The following CALR variants were observed in gnomAD, a reference collection of about 807,000 sequenced individuals.
CALR encodes the protein calreticulin.
CALR carries 15 observed loss-of-function variants against 51.1 expected under a neutral mutation model. The observed-to-expected ratio is 0.29, with a 90% CI of 0.20 to 0.45. The LOEUF is 0.45. Ranked by LOEUF, CALR falls within the 20% of genes least tolerant of loss-of-function variation. The probability of loss-of-function intolerance (pLI) is 1.00; values close to 1 mark genes in which losing one functional copy is unlikely to be tolerated. For synonymous variants in CALR, 239 were observed against 205.9 expected, an observed-to-expected ratio of 1.16 and a Z score of -1.38; for missense variants, 477 against 530.6, an observed-to-expected ratio of 0.90 and a Z score of 0.99.
rs572735736 is a variant in CALR, at chr19:12,938,742, C to T, written c.63C>T (p.Val21=). 13 of 1,611,626 alleles carry T rather than the reference C, an allele frequency of 8.1e-6. No homozygotes were observed. The highest frequency in any genetic ancestry group is 1.3e-5 in the African/African-American group (1 of 74,924). Residue 21 remains valine (V), a synonymous_variant, in exon 1 of 9, where the codon GTC becomes GTT. Coordinates refer to ENST00000316448, the MANE Select transcript of CALR (RefSeq NM_004343.4). The part of the protein sequence containing the change: ...LLGLAVAEPA[V]YFKEQFLDGD... The stretch of plus-strand genomic sequence containing the variant: ...GCCTGGCCGTCGCCGAGCCTGCCGT[C>T]TACTTCAAGGAGCAGTTTCTGGACG...
At chr19:12,943,443 G>T (rs1971575293) in intron 7 of CALR, 94 bp from the exon 8 acceptor site, 1 of 1,074,410 alleles carries the variant, frequency 9.3e-7, no homozygotes, top group African/African-American at 1.6e-5. Context: ...GCAGGCAGCA[G>T]AATATAGTGG....
chr19:12,943,753 A>C lies in CALR; in HGVS notation c.1094A>C (p.Gln365Pro). 6.2e-7 allele frequency: 1 copy of C among 1,611,754 alleles called. No individual in the cohort carries two copies. Among genetic ancestry groups the C allele is most frequent in the Non-Finnish European group, 8.5e-7 (1 of 1,178,790 alleles). ...ATGAAGGACAAACAGGACGAGGAGC[A>C]GAGGCTTAAGGAGGAGGAAGAAGAC... ...KQMKDKQDEE[Q>P]RLKEEEEDKK... Residue 365 changes from glutamine (Q) to proline (P), a missense_variant, in exon 9 of 9, where the codon CAG becomes CCG. Physicochemically the swap from Gln to Pro is moderately conservative, Grantham distance 76 (BLOSUM62 -1). Transcript: ENST00000316448.
intron 2 of CALR, 60 bp from the exon 3 acceptor site, chr19:12,939,368 T>TCGA: frequency 6.4e-7 from 1 of 1,558,834 alleles, no homozygotes; most frequent in Non-Finnish European, 8.8e-7. Context: ...CTCTATTCTC[T>TCGA]AAGTCGAGGG....
Position 12,938,698 on chromosome 19 carries a change from C to G in CALR, c.19C>G (p.Leu7Val). The G allele has an allele frequency of 6.2e-7, 1 of 1,611,216 alleles. No homozygotes were observed. Among genetic ancestry groups the G allele is most frequent in the Non-Finnish European group, 8.5e-7 (1 of 1,179,238 alleles). ...GCCCGCCATGCTGCTATCCGTGCCG[C>G]TGCTGCTCGGCCTCCTCGGCCTGGC... is the stretch of plus-strand genomic sequence containing the variant. MLLSVP[L>V]LLGLLGLAVA... Residue 7 changes from leucine (L) to valine (V), a missense_variant, in exon 1 of 9, where the codon CTG (leucine) becomes GTG (valine). By Grantham distance (32) the Leu-to-Val change is conservative. Transcript: ENST00000316448.
At position 12,942,416 on chromosome 19, in the gene CALR, C is replaced by T. The variant is rs554387937; in HGVS notation, c.961-1121C>T. On this transcript the variant is annotated intron_variant, in intron 7 of 8. Transcript: ENST00000316448. ...TTTGTCTGTTTTGGTCACTGAAATA[C>T]CTTCTGTGCCCAAGACAGTTCTGGC... Among the ~76,000 whole-genome samples, 3 of 151,122 alleles carry T rather than the reference C, an allele frequency of 2.0e-5. No individual in the cohort carries two copies. In the East Asian group the frequency reaches 5.9e-4, roughly 30 times the overall value.
Position 12,943,904 on chromosome 19 carries a change from C to G in CALR, c.1245C>G (p.Asp415Glu), listed in dbSNP as rs148604761. 11 of 1,601,342 alleles carry G rather than the reference C, an allele frequency of 6.9e-6. No individual in the cohort carries two copies. The highest frequency in any genetic ancestry group is 1.1e-5 in the South Asian group (1 of 88,750). ...AAGATGTCCCCGGCCAGGCCAAGGA[C>G]GAGCTGTAGAGAGGCCTGCCTCCAG... ...EEEDVPGQAKDEL is the reference protein window; with the variant it reads ...EEEDVPGQAKEEL The change falls in exon 9 of 9, where the codon GAC (aspartate) becomes GAG (glutamate). Residue 415 changes from aspartate to glutamate, a missense_variant. By Grantham distance (45) the Asp-to-Glu change is conservative. Coordinates refer to ENST00000316448, the MANE Select transcript of CALR (RefSeq NM_004343.4).
chr19:12,941,511 G>A (rs1296931370), intron 7 of CALR, among the ~76,000 whole-genome samples: 3 of 131,472 alleles, frequency 2.3e-5, no homozygotes, highest in Admixed American at 9.1e-5. Flanking sequence ...TTGCTCTGTC[G>A]CCCAGGCTGG....
chr19:12,943,548 C>T lies in CALR; in HGVS notation c.972C>T (p.Gly324=), dbSNP rs776593797. The change falls in exon 8 of 9, where the codon GGC becomes GGT. Residue 324 remains glycine, a synonymous_variant. Transcript: ENST00000316448. ...CATTCATCCTCCAGGTCAAGTCTGG[C>T]ACCATCTTTGACAACTTCCTCATCA... ...LGLDLWQVKS[G]TIFDNFLITN... The T allele has an allele frequency of 3.7e-6, 6 of 1,613,914 alleles. No individual in the cohort carries two copies. The East Asian group carries it at 1.1e-4, about 30-fold the overall frequency.
intron 3 of CALR, 69 bp from the exon 4 acceptor site, chr19:12,939,984 T>TA (rs1195887103): frequency 3.6e-6 from 4 of 1,114,840 alleles, no homozygotes; most frequent in Non-Finnish European, 5.5e-6. Flanking sequence ...CTTCCTTTTA[T>TA]AAAGAGGGGT....
rs1207787620 is a variant in CALR, at chr19:12,943,847, GGATGAGGAGGACAAGGAGGAA to G, written c.1200_1220del (p.Asp400_Glu406del). 1 of 1,580,546 alleles carries G rather than the reference GGATGAGGAGGACAAGGAGGAA, an allele frequency of 6.3e-7. No individual in the cohort carries two copies. Among genetic ancestry groups the G allele is most frequent in the Non-Finnish European group, 8.6e-7 (1 of 1,163,192 alleles). ...ATGAGGACAAAGATGAGGATGAGGA[GGATGAGGAGGACAAGGAGGAA>G]GATGAGGAGGAAGATGTCCCCGGCC... On this transcript the variant is annotated inframe_deletion, in exon 9 of 9. Transcript: ENST00000316448.
chr19:12,940,480 T>G (rs754141225), intron 5 of CALR, 28 bp downstream of exon 5: 2 of 1,613,512 alleles, frequency 1.2e-6, no homozygotes, highest in Non-Finnish European at 1.7e-6. Context: ...GGCTCTGCTC[T>G]CCACATTGGA....
chr19:12,940,155 TG>T lies in CALR; in HGVS notation c.492+13del. 6.2e-7 allele frequency: 1 copy of T among 1,613,124 alleles called. No homozygotes were observed. The highest frequency in any genetic ancestry group is 8.5e-7 in the Non-Finnish European group (1 of 1,179,080). Reference sequence around the variant, plus strand: ...AAGGACATCCGTTGCAAGGTGTGCCTGGGGGTGGTGGCAAATGGCTGTCATG... The same window carrying T: ...AAGGACATCCGTTGCAAGGTGTGCCTGGGGTGGTGGCAAATGGCTGTCATG... On this transcript the variant is annotated intron_variant, in intron 4 of 8. Transcript: ENST00000316448.
Position 12,944,214 on chromosome 19 carries a change from C to G in CALR, c.*301C>G. ...TGTCCCCTTCTCTCATCTCTTAGCT[C>G]CCCTCCAACCTGGGGGGCAGTGGTG... On this transcript the variant is annotated 3_prime_UTR_variant, in exon 9 of 9. Transcript: ENST00000316448. 4.0e-6 allele frequency: 2 copies of G among 499,246 alleles called. No individual in the cohort carries two copies. Among genetic ancestry groups the G allele is most frequent in the South Asian group, 2.1e-5 (1 of 46,698 alleles). 30.9% of individuals were successfully genotyped at this position (499,246 alleles called of 1,614,324 possible). A position where few individuals can be genotyped will look rare whatever the true frequency, so the allele number is the denominator to read the frequency against.
chr19:12,942,593 CTTTTTT>C (rs527758922), intron 7 of CALR, among the ~76,000 whole-genome samples: 11 of 133,394 alleles, frequency 8.2e-5, no homozygotes, highest in Non-Finnish European at 1.8e-4. Flanking sequence ...GTCTCTCCAT[CTTTTTT>C]TTTTTTTTTT....
Position 12,940,857 on chromosome 19 carries a change from C to T in CALR, c.930C>T (p.Asn310=), listed in dbSNP as rs1971536695. ...ATCCCAGTATCTATGCCTATGATAA[C>T]TTTGGCGTGCTGGGCCTGGACCTCT... ...SPDPSIYAYD[N]FGVLGLDLWQ... Residue 310 remains asparagine, a synonymous_variant, in exon 7 of 9, where the codon AAC becomes AAT. Coordinates refer to ENST00000316448, the MANE Select transcript of CALR (RefSeq NM_004343.4). 1 of 1,614,114 alleles carries T rather than the reference C, an allele frequency of 6.2e-7. No homozygotes were observed. The highest frequency in any genetic ancestry group is 8.5e-7 in the Non-Finnish European group (1 of 1,180,008).
rs552795097 is a variant in CALR at position 12,938,631 on chromosome 19, C to T, written c.-49C>T. The stretch of plus-strand genomic sequence containing the variant: ...TCCGTCCGTACTGCAGAGCCGCTGC[C>T]GGAGGGTCGTTTTAAAGGGCCCGCG... On this transcript the variant is annotated 5_prime_UTR_variant, in exon 1 of 9. Coordinates refer to ENST00000316448, the MANE Select transcript of CALR (RefSeq NM_004343.4). 36 of 1,431,026 alleles carry T rather than the reference C, an allele frequency of 2.5e-5. No homozygotes were observed. The highest frequency in any genetic ancestry group is 1.2e-4 in the South Asian group (10 of 83,492). 88.6% of individuals were successfully genotyped at this position (1,431,026 alleles called of 1,614,324 possible).
intron 7 of CALR, 32 bp downstream of exon 7, chr19:12,940,919 G>C (rs199996394): frequency 1.2e-6 from 2 of 1,612,010 alleles, no homozygotes; most frequent in Admixed American, 1.7e-5. Flanking sequence ...AGGATCCCTG[G>C]GGTACCTCAA....
In CALR at chr19:12,940,817, C is replaced by A. The variant is rs770320546; in HGVS notation, c.890C>A (p.Pro297His). The A allele has an allele frequency of 6.2e-7, 1 of 1,614,102 alleles. No individual in the cohort carries two copies. The highest frequency in any genetic ancestry group is 2.2e-5 in the East Asian group (1 of 44,878). ...GTWIHPEIDN[P>H]EYSPDPSIYA... is the part of the protein sequence containing the mutation. Reference sequence around the variant, plus strand: ...TGGATCCACCCAGAAATTGACAACCCCGAGTATTCTCCCGATCCCAGTATC... The same window carrying A: ...TGGATCCACCCAGAAATTGACAACCACGAGTATTCTCCCGATCCCAGTATC... The change falls in exon 7 of 9, where the codon CCC becomes CAC. Residue 297 changes from proline (P) to histidine (H), a missense_variant. Pro to His is a moderately conservative substitution (Grantham distance 77). Transcript: ENST00000316448.
chr19:12,938,786 G>A lies in CALR; in HGVS notation c.91+16G>A, dbSNP rs1333445249. 2.7e-5 allele frequency: 43 copies of A among 1,581,974 alleles called. No homozygotes were observed. In the East Asian group the frequency reaches 3.2e-4, roughly 12 times the overall value. ...CTGGACGGAGGTAACGCCTGGTCCC[G>A]CCTCGAGGCCGCCCCGACGACGCGG... On this transcript the variant is annotated intron_variant, in intron 1 of 8. Coordinates refer to ENST00000316448, the MANE Select transcript of CALR (RefSeq NM_004343.4).
Sources: allele counts gnomAD v4.1 joint callset (sites outside exome capture counted in the v4.1 genomes callset), GRCh38; gene constraint gnomAD v4.1.1; transcripts MANE v1.5; gene names NCBI Gene and HGNC (gene_info 2026-07-23, HGNC 2026-07-21).